Variants in AKT3 observed in about 807,000 individuals in gnomAD.
The protein encoded by AKT3 is RAC-gamma serine/threonine-protein kinase.
In AKT3, 15 loss-of-function variants were observed where a neutral mutation model predicts 65.3. The observed-to-expected ratio is 0.23, with a 90% CI of 0.15 to 0.35. The LOEUF is 0.35. AKT3 is among the 10% of genes least tolerant of loss of function. The pLI is 1.00. For synonymous variants in AKT3, 206 were observed against 183.8 expected (o/e 1.12, Z -0.98); for missense variants, 243 against 576.5 (o/e 0.42, Z 5.92).
intron 11 of AKT3, among the ~76,000 whole-genome samples, chr1:243,549,363 T>C (rs1406865458): frequency 6.6e-6 from 1 of 152,128 alleles, no homozygotes. Flanking sequence ...TAGTTAATCA[T>C]AACCTCTATC....
At chr1:243,765,449 T>TA (rs1689759230) in intron 2 of AKT3, among the ~76,000 whole-genome samples, 2 of 152,162 alleles carry the variant, frequency 1.3e-5, no homozygotes, top group African/African-American at 2.4e-5. Flanking sequence ...ACTACCCTGG[T>TA]AAGGCTACCA....
At chr1:243,549,688 G>A (rs934763153) in intron 11 of AKT3, among the ~76,000 whole-genome samples, 1 of 152,010 alleles carries the variant, frequency 6.6e-6, no homozygotes, top group Non-Finnish European at 1.5e-5. Flanking sequence ...GCCTCCCAAA[G>A]TGCGGGGATT....
intron 2 of AKT3, among the ~76,000 whole-genome samples, chr1:243,774,571 A>T (rs557229257): frequency 2.3e-4 from 35 of 152,298 alleles, no homozygotes; most frequent in Admixed American, 1.4e-3. Context: ...ATTTATTAAG[A>T]GTTGAAATTT....
At chr1:243,712,410 C>T (rs1169323851) in intron 2 of AKT3, among the ~76,000 whole-genome samples, 1 of 152,140 alleles carries the variant, frequency 6.6e-6, no homozygotes, top group Non-Finnish European at 1.5e-5. Context: ...ACTCTGGACA[C>T]GAAGCTCTGT....
chr1:243,739,516 T>C (rs1012171629), intron 2 of AKT3: 2 of 152,224 alleles, frequency 1.3e-5, no homozygotes, highest in African/African-American at 4.8e-5. Flanking sequence ...CTCATCACAC[T>C]AGTTACCTTT....
At chr1:243,595,287 C>T (rs563713529) in intron 8 of AKT3, among the ~76,000 whole-genome samples, 7 of 152,188 alleles carry the variant, frequency 4.6e-5, no homozygotes, top group South Asian at 2.1e-4. Flanking sequence ...GATTTAAAAA[C>T]GATATACCTG....
chr1:243,686,651 ATTTTTTTTTTTT>A (rs143487611), intron 3 of AKT3, among the ~76,000 whole-genome samples: 4 of 23,520 alleles, frequency 1.7e-4, no homozygotes, highest in African/African-American at 4.7e-4. Flanking sequence ...ATATATATAT[ATTTTTTTTTTTT>A]TTTTTTTTTT....
chr1:243,651,005 T>C (rs973391650), intron 4 of AKT3, among the ~76,000 whole-genome samples: 1 of 152,164 alleles, frequency 6.6e-6, no homozygotes, highest in African/African-American at 2.4e-5. Flanking sequence ...GTATGACCAT[T>C]TTCTTGATAT....
intron 3 of AKT3, among the ~76,000 whole-genome samples, chr1:243,693,407 A>G (rs1684853326): frequency 6.6e-6 from 1 of 150,876 alleles, no homozygotes; most frequent in African/African-American, 2.4e-5. Context: ...TCTTGCACCA[A>G]TTGTTCCTTC....
chr1:243,593,578 T>C (rs541797783), intron 8 of AKT3, among the ~76,000 whole-genome samples: 1 of 152,180 alleles, frequency 6.6e-6, no homozygotes, highest in South Asian at 2.1e-4. Context: ...TCCCAGCTGC[T>C]TGGGAGGCTG....
intron 3 of AKT3, among the ~76,000 whole-genome samples, chr1:243,692,232 G>T (rs1391774069): frequency 6.6e-6 from 1 of 152,064 alleles, no homozygotes; most frequent in Non-Finnish European, 1.5e-5. Context: ...AGAATTTTTT[G>T]ACCTTCCCCT....
In AKT3 at chr1:243,754,229, A is replaced by C. The variant is rs147396483; in HGVS notation, c.47-58513T>G. 3.6e-4 allele frequency among the ~76,000 whole-genome samples: 55 copies of C among 152,318 alleles called. 1 individual carries two copies. Among genetic ancestry groups the C allele is most frequent in the African/African-American group, 1.2e-3 (51 of 41,572 alleles). On this transcript the variant is annotated intron_variant, in intron 2 of 13. Coordinates refer to ENST00000673466, the MANE Select transcript of AKT3 (RefSeq NM_005465.7). ...ACTTTGATTTGTTTGACTGAACTCC[A>C]AATTTATTATGGAGTCATTATTTTC...
At chr1:243,568,548 T>C (rs1479944557) in intron 9 of AKT3, among the ~76,000 whole-genome samples, 1 of 152,174 alleles carries the variant, frequency 6.6e-6, no homozygotes, top group East Asian at 1.9e-4. Flanking sequence ...AGGGTCTTGA[T>C]TCAGTGTGTA....
At chr1:243,804,860 A>C (rs1224885592) in intron 2 of AKT3, among the ~76,000 whole-genome samples, 1 of 151,770 alleles carries the variant, frequency 6.6e-6, no homozygotes, top group East Asian at 1.9e-4. Context: ...AAAAAAAAAC[A>C]AACAAAAAAG....
At chr1:243,637,338 A>G (rs770999802) in intron 6 of AKT3, among the ~76,000 whole-genome samples, 12 of 152,150 alleles carry the variant, frequency 7.9e-5, no homozygotes, top group Non-Finnish European at 1.8e-4. Context: ...TAATTATGAT[A>G]TAGATCACAA....
intron 2 of AKT3, chr1:243,740,690 T>A (rs375842861): frequency 6.6e-6 from 1 of 152,226 alleles, no homozygotes; most frequent in East Asian, 1.9e-4. Flanking sequence ...CCCTGCTCTA[T>A]GGCACTGTCT....
At chr1:243,526,830 G>A (rs1278821726) in intron 12 of AKT3, among the ~76,000 whole-genome samples, 2 of 109,436 alleles carry the variant, frequency 1.8e-5, no homozygotes, top group Admixed American at 9.3e-5. Context: ...GACTGAACAG[G>A]AATTATTCCA....
chr1:243,768,831 C>CA (rs1360543117), intron 2 of AKT3, among the ~76,000 whole-genome samples: 23,506 of 78,132 alleles, frequency 0.3, 2,355 homozygotes, highest in East Asian at 0.44. Context: ...TGATCCGCCA[C>CA]AAAAAAAAAA....
intron 2 of AKT3, among the ~76,000 whole-genome samples, chr1:243,758,439 G>A (rs987338387): frequency 5.9e-5 from 9 of 152,154 alleles, no homozygotes; most frequent in Non-Finnish European, 1.3e-4. Flanking sequence ...GAAAATGCCT[G>A]ACATGTTCCA....
Sources: allele counts gnomAD v4.1 joint callset (sites outside exome capture counted in the v4.1 genomes callset), GRCh38; gene constraint gnomAD v4.1.1; transcripts MANE v1.5; gene names NCBI Gene and HGNC (gene_info 2026-07-23, HGNC 2026-07-21).